MYO5C: variants seen among roughly 807,000 people sequenced by gnomAD.
MYO5C encodes myosin VC.
A neutral mutation model predicts 235.7 loss-of-function variants in MYO5C; 194 were observed. The observed-to-expected ratio is 0.82, with a 90% CI of 0.73 to 0.93. The LOEUF is 0.93. MYO5C is among the 40% of genes least tolerant of loss of function. The pLI, the probability that MYO5C is intolerant of heterozygous loss-of-function variation, is 0.00. For synonymous variants in MYO5C, 707 were observed against 754.8 expected (o/e 0.94, Z 1.04); for missense variants, 2,038 against 2,127.2 (o/e 0.96, Z 0.82).
intron 31 of MYO5C, 142 bp downstream of exon 31, chr15:52,219,617 C>G: frequency 3.1e-6 from 2 of 645,112 alleles, no homozygotes; most frequent in South Asian, 3.8e-5. Context: ...TATTTCTTTC[C>G]TTCCCATCAG....
chr15:52,238,786 C>T (rs899068143), intron 21 of MYO5C, among the ~76,000 whole-genome samples: 16 of 151,432 alleles, frequency 1.1e-4, no homozygotes, highest in Admixed American at 2.6e-4. Flanking sequence ...GGACTACAGG[C>T]GCCCGCCACC....
chr15:52,236,106 G>C (rs8031858), intron 22 of MYO5C, among the ~76,000 whole-genome samples: 104,235 of 152,208 alleles, frequency 0.68, 39,159 homozygotes, highest in Non-Finnish European at 0.84. Flanking sequence ...AATATGCTAT[G>C]ATTACACAGT....
At chr15:52,269,907 G>A (rs1473699264) in intron 7 of MYO5C, 47 bp from the exon 8 acceptor site, 3 of 1,292,510 alleles carry the variant, frequency 2.3e-6, no homozygotes, top group South Asian at 2.4e-5. Context: ...ACAGAAATTT[G>A]GACATACACA....
At position 52,229,056 on chromosome 15, in the gene MYO5C, G is replaced by A. The variant is rs2035891794; in HGVS notation, c.3207+77C>T. ...GGCCTTTACACAGATGCTTTTAGCT[G>A]TCTAATCTGTGGGAACTTGGAATTG... On this transcript the variant is annotated intron_variant, in intron 25 of 40. Transcript: ENST00000261839. 23 of 1,558,500 alleles carry A rather than the reference G, an allele frequency of 1.5e-5. No individual in the cohort carries two copies. In the South Asian group the frequency reaches 2.4e-4, roughly 17 times the overall value.
Position 52,279,493 on chromosome 15 carries a change from G to T in MYO5C, c.304+16C>A, listed in dbSNP as rs1159115736. ...TTCCAGTGCCATTCCTTACTTCCTA[G>T]AATTGCTCTCCTTACCACTGTAGGT... On this transcript the variant is annotated intron_variant, in intron 3 of 40. Transcript: ENST00000261839. 6.2e-7 allele frequency: 1 copy of T among 1,601,066 alleles called. No homozygotes were observed. Among genetic ancestry groups the T allele is most frequent in the African/African-American group, 1.3e-5 (1 of 74,836 alleles).
At position 52,272,710 on chromosome 15, in the gene MYO5C, G is replaced by A. The variant is rs2036952851; in HGVS notation, c.620C>T (p.Ala207Val). The stretch of plus-strand genomic sequence containing the variant: ...ACTATTGTCATTGCGGGTGGTCTTG[G>A]CATTTCCAACGGCCTAAAAAAAATA... The part of the protein sequence containing the change: ...SNPITEAVGN[A>V]KTTRNDNSSR... Residue 207 changes from alanine to valine, a missense_variant, in exon 6 of 41, where the codon GCC becomes GTC. Ala to Val is a moderately conservative substitution (Grantham distance 64). Transcript: ENST00000261839. 1 of 1,612,758 alleles carries A rather than the reference G, an allele frequency of 6.2e-7. No individual in the cohort carries two copies. The highest frequency in any genetic ancestry group is 8.5e-7 in the Non-Finnish European group (1 of 1,179,730).
At chr15:52,280,720 G>A (rs905462292) in intron 2 of MYO5C, among the ~76,000 whole-genome samples, 94 of 152,220 alleles carry the variant, frequency 6.2e-4, no homozygotes, top group African/African-American at 2.2e-3. Context: ...AGCATGGATT[G>A]TTTCATTTAA....
At chr15:52,264,058 C>T in intron 9 of MYO5C, 132 bp downstream of exon 9, 1 of 626,902 alleles carries the variant, frequency 1.6e-6, no homozygotes, top group Non-Finnish European at 2.8e-6. Flanking sequence ...CCCTTGCCGC[C>T]TGCCTCCTGT....
intron 1 of MYO5C, among the ~76,000 whole-genome samples, chr15:52,284,350 T>TCAG (rs1240581944): frequency 6.6e-6 from 1 of 151,850 alleles, no homozygotes; most frequent in African/African-American, 2.4e-5. Flanking sequence ...AATGAGTACC[T>TCAG]CCTATGTGAG....
Position 52,205,179 on chromosome 15 carries a change from G to T in MYO5C, c.4538-32C>A, listed in dbSNP as rs777186598. 3.7e-6 allele frequency: 6 copies of T among 1,604,688 alleles called. No individual in the cohort carries two copies. In the Admixed American group the frequency reaches 1.0e-4, roughly 27 times the overall value. On this transcript the variant is annotated intron_variant, in intron 37 of 40. Transcript: ENST00000261839. ...AGAGACAGGGAGGCTGTGCTGACAC[G>T]CCAGGAGACACACGCGGAACGTTCC...
At position 52,211,803 on chromosome 15, in the gene MYO5C, T is replaced by C; in HGVS notation, c.4223A>G (p.Asp1408Gly). ...CAGCATGTTGGCATCATTCAGAGAG[T>C]CTGCGTAGCGCACACACATGAACAG... Reference protein sequence around the residue: ...HILFMCVRYADSLNDANMLKS... With the variant: ...HILFMCVRYAGSLNDANMLKS... Residue 1408 changes from aspartate to glycine, a missense_variant, in exon 35 of 41, where the codon GAC becomes GGC. Coordinates refer to ENST00000261839, the MANE Select transcript of MYO5C (RefSeq NM_018728.4). 2 of 1,614,094 alleles carry C rather than the reference T, an allele frequency of 1.2e-6. No individual in the cohort carries two copies. Among genetic ancestry groups the C allele is most frequent in the African/African-American group, 1.3e-5 (1 of 75,000 alleles).
intron 1 of MYO5C, among the ~76,000 whole-genome samples, chr15:52,293,816 C>T (rs184344829): frequency 6.6e-6 from 1 of 152,314 alleles, no homozygotes; most frequent in Admixed American, 6.5e-5. Flanking sequence ...TCTAACAGTC[C>T]TAACACACCA....
At chr15:52,267,285 A>G (rs1353534831) in intron 8 of MYO5C, among the ~76,000 whole-genome samples, 1 of 152,258 alleles carries the variant, frequency 6.6e-6, no homozygotes, top group Admixed American at 6.5e-5. Flanking sequence ...AGGGAGTAGC[A>G]GTTACTATGC....
intron 14 of MYO5C, among the ~76,000 whole-genome samples, chr15:52,247,999 GC>G (rs1023151283): frequency 6.6e-6 from 1 of 152,026 alleles, no homozygotes; most frequent in African/African-American, 2.4e-5. Flanking sequence ...CACCCACTTC[GC>G]AATGAATGAA....
At chr15:52,292,004 G>A (rs1043941426) in intron 1 of MYO5C, among the ~76,000 whole-genome samples, 13 of 152,130 alleles carry the variant, frequency 8.5e-5, no homozygotes, top group Admixed American at 8.5e-4. Context: ...CTCCCAAAGT[G>A]CTGGGATTAC....
rs781210510 is a variant in MYO5C, at chr15:52,269,754, C to T, written c.939G>A (p.Leu313=). Residue 313 remains leucine, a splice_region_variant and synonymous_variant, in exon 8 of 41, where the codon CTG becomes CTA. Coordinates refer to ENST00000261839, the MANE Select transcript of MYO5C (RefSeq NM_018728.4). ...MVETQKTFTL[L]GFKEDFQMDV... ...CTTGGATGGGATATTTTCCCTTACC[C>T]AGAAGCGTGAAGGTCTTTTGAGTCT... 9 of 1,604,402 alleles carry T rather than the reference C, an allele frequency of 5.6e-6. No individual in the cohort carries two copies. The East Asian group carries it at 6.7e-5, about 12-fold the overall frequency.
At chr15:52,264,132 G>C (rs1243118063) in intron 9 of MYO5C, 58 bp downstream of exon 9, 1 of 1,340,322 alleles carries the variant, frequency 7.5e-7, no homozygotes. Flanking sequence ...GGTCAGCTGC[G>C]AGCCAGTTCC....
At chr15:52,232,221 T>A (rs1355810914) in intron 24 of MYO5C, among the ~76,000 whole-genome samples, 1,875 of 20,562 alleles carry the variant, frequency 0.091, 519 homozygotes, top group East Asian at 0.35. Context: ...AGAAAGAAAA[T>A]GAAAGAAAGA....
chr15:52,237,412 G>A, intron 22 of MYO5C, 70 bp downstream of exon 22: 1 of 1,530,644 alleles, frequency 6.5e-7, no homozygotes, highest in Non-Finnish European at 8.8e-7. Context: ...CATAGGAAAA[G>A]CTGGCAGCGC....
Sources: allele counts gnomAD v4.1 joint callset (sites outside exome capture counted in the v4.1 genomes callset), GRCh38; gene constraint gnomAD v4.1.1; transcripts MANE v1.5; gene names NCBI Gene and HGNC (gene_info 2026-07-23, HGNC 2026-07-21).